The following PLPPR1 variants were observed in gnomAD, a reference collection of about 807,000 sequenced individuals.
PLPPR1 encodes the protein phospholipid phosphatase-related protein type 1.
A neutral mutation model predicts 33.1 loss-of-function variants in PLPPR1; 10 were observed. The ratio of observed to expected loss-of-function variants is 0.30; its 90% CI spans 0.19 to 0.51. The LOEUF is 0.51. Ranked by LOEUF, PLPPR1 falls within the 20% of genes least tolerant of loss-of-function variation. The pLI is 0.97. For synonymous variants in PLPPR1, 151 were observed against 151.0 expected, an observed-to-expected ratio of 1.00 and a Z score of 0.00; for missense variants, 304 against 408.1, an observed-to-expected ratio of 0.74 and a Z score of 2.20.
At chr9:101,260,477 T>G (rs2118879266) in intron 2 of PLPPR1, among the ~76,000 whole-genome samples, 1 of 152,210 alleles carries the variant, frequency 6.6e-6, no homozygotes, top group Middle Eastern at 3.4e-3. Flanking sequence ...AGGAGACCCT[T>G]CAGTAAGACT....
chr9:101,305,434 C>G (rs1178137190), intron 4 of PLPPR1, among the ~76,000 whole-genome samples: 1 of 152,112 alleles, frequency 6.6e-6, no homozygotes, highest in South Asian at 2.1e-4. Flanking sequence ...CAGCAAAGTG[C>G]CTTTTTGACT....
chr9:101,139,490 A>G (rs1439097805), intron 1 of PLPPR1, among the ~76,000 whole-genome samples: 1 of 152,210 alleles, frequency 6.6e-6, no homozygotes, highest in African/African-American at 2.4e-5. Flanking sequence ...AAAAGCTATC[A>G]TGATTTTTAG....
chr9:101,178,898 C>A (rs562775264), intron 1 of PLPPR1, among the ~76,000 whole-genome samples: 1 of 152,160 alleles, frequency 6.6e-6, no homozygotes, highest in African/African-American at 2.4e-5. Flanking sequence ...CCTGTTCCTG[C>A]GACATTATGT....
chr9:101,214,544 T>C (rs1826751137), intron 2 of PLPPR1, among the ~76,000 whole-genome samples: 1 of 152,246 alleles, frequency 6.6e-6, no homozygotes, highest in Non-Finnish European at 1.5e-5. Context: ...TTAAAAGTTG[T>C]TATTTTTAAC....
intron 7 of PLPPR1, among the ~76,000 whole-genome samples, chr9:101,321,043 C>G (rs549371144): frequency 2.0e-5 from 3 of 152,272 alleles, no homozygotes; most frequent in South Asian, 2.1e-4. Context: ...GTAAATACCC[C>G]CCTGTGAGCA....
At chr9:101,164,365 C>CTTTTTTT (rs66835142) in intron 1 of PLPPR1, among the ~76,000 whole-genome samples, 3 of 133,508 alleles carry the variant, frequency 2.2e-5, no homozygotes, top group Non-Finnish European at 1.5e-5. Flanking sequence ...CTTTTCTTTT[C>CTTTTTTT]TTTTTTTTTT....
intron 1 of PLPPR1, among the ~76,000 whole-genome samples, chr9:101,140,169 CA>C (rs1831430858): frequency 1.3e-5 from 2 of 152,130 alleles, no homozygotes; most frequent in Non-Finnish European, 2.9e-5. Flanking sequence ...TTTGTGTCAC[CA>C]AAAGGACTAA....
intron 2 of PLPPR1, among the ~76,000 whole-genome samples, chr9:101,223,170 A>AG (rs1826987058): frequency 9.9e-6 from 1 of 100,666 alleles, no homozygotes; most frequent in Non-Finnish European, 1.9e-5. Context: ...AAAAAAAAAA[A>AG]AAGAAAAGAA....
chr9:101,308,449 T>C (rs1362834988), intron 4 of PLPPR1, among the ~76,000 whole-genome samples: 1 of 152,206 alleles, frequency 6.6e-6, no homozygotes, highest in Non-Finnish European at 1.5e-5. Context: ...TGGAACCTAT[T>C]GTAGGCTTCT....
At chr9:101,272,188 C>A (rs16936048) in intron 3 of PLPPR1, among the ~76,000 whole-genome samples, 6,729 of 152,104 alleles carry the variant, frequency 0.044, 459 homozygotes, top group African/African-American at 0.15. Flanking sequence ...AAAGATGTAG[C>A]AAAGCTGAAT....
intron 2 of PLPPR1, among the ~76,000 whole-genome samples, chr9:101,260,059 G>A (rs1333438469): frequency 6.6e-6 from 1 of 152,070 alleles, no homozygotes; most frequent in African/African-American, 2.4e-5. Flanking sequence ...GGGGTCCCAA[G>A]ATTCATTTTA....
At chr9:101,089,015 A>T (rs1830711952) in intron 1 of PLPPR1, among the ~76,000 whole-genome samples, 1 of 152,108 alleles carries the variant, frequency 6.6e-6, no homozygotes, top group Admixed American at 6.5e-5. Context: ...AACATTTAAA[A>T]CTCACAGGGA....
chr9:101,179,166 G>T (rs1250870130), intron 1 of PLPPR1, among the ~76,000 whole-genome samples: 3 of 152,098 alleles, frequency 2.0e-5, no homozygotes, highest in Non-Finnish European at 4.4e-5. Flanking sequence ...ATCCATTAGG[G>T]CGTTGCTTAG....
intron 2 of PLPPR1, among the ~76,000 whole-genome samples, chr9:101,259,193 C>T (rs2118877391): frequency 6.6e-6 from 1 of 152,112 alleles, no homozygotes; most frequent in East Asian, 1.9e-4. Context: ...TGTATTTATT[C>T]TTCAAGGAGT....
intron 1 of PLPPR1, among the ~76,000 whole-genome samples, chr9:101,054,944 G>T (rs1830264027): frequency 2.0e-5 from 3 of 152,194 alleles, no homozygotes. Context: ...TCTGTGGCAG[G>T]AGGGGAGCTA....
rs367867610 is a variant in PLPPR1 at position 101,237,979 on chromosome 9, C to CTATATATATA, written c.64-31885_64-31876dup. ...TACACACACACACAGGCTATATAGC[C>CTATATATATA]TATATATATATATATATATATATAT... On this transcript the variant is annotated intron_variant, in intron 2 of 7. Transcript: ENST00000374874. Among the ~76,000 whole-genome samples, 266 of 79,392 alleles carry CTATATATATA rather than the reference C, an allele frequency of 3.4e-3. 2 individuals are homozygous for CTATATATATA. Among genetic ancestry groups the CTATATATATA allele is most frequent in the African/African-American group, 9.9e-3 (195 of 19,746 alleles). The allele number at this position is 79,392 out of a possible 152,430, so 52.1% of individuals were successfully genotyped here. A position where few individuals can be genotyped will look rare whatever the true frequency, so the allele number is the denominator to read the frequency against.
At chr9:101,215,673 ACT>A (rs1334366349) in intron 2 of PLPPR1, among the ~76,000 whole-genome samples, 5 of 150,892 alleles carry the variant, frequency 3.3e-5, no homozygotes, top group Admixed American at 2.0e-4. Flanking sequence ...CCATCATTGT[ACT>A]CTCTATCTCC....
At chr9:101,161,668 T>C (rs760488946) in intron 1 of PLPPR1, among the ~76,000 whole-genome samples, 102 of 152,266 alleles carry the variant, frequency 6.7e-4, no homozygotes, top group Non-Finnish European at 1.3e-3. Context: ...ATTCAAAATA[T>C]AATCTTTTTA....
intron 1 of PLPPR1, among the ~76,000 whole-genome samples, chr9:101,073,408 G>T (rs960223975): frequency 6.6e-6 from 1 of 152,040 alleles, no homozygotes; most frequent in African/African-American, 2.4e-5. Context: ...TACATGTAAA[G>T]GAGAATTTAC....
Sources: gnomAD v4.1 joint callset for allele counts (sites outside exome capture counted in the v4.1 genomes callset) on GRCh38, gnomAD v4.1.1 for gene constraint, MANE v1.5 for transcripts, NCBI Gene and HGNC (gene_info 2026-07-23, HGNC 2026-07-21) for gene names.